GASK1A: variants seen among roughly 807,000 people sequenced by gnomAD.
GASK1A encodes golgi associated kinase 1A.
A neutral mutation model predicts 41.2 loss-of-function variants in GASK1A; 40 were observed. The ratio of observed to expected loss-of-function variants is 0.97; its 90% confidence interval spans 0.75 to 1.27. The LOEUF (loss-of-function observed/expected upper bound fraction) is 1.27, where lower values mean the gene tolerates loss of function less well. Among genes scored for constraint, GASK1A ranks in the 50% most tolerant of loss-of-function variants. The probability of loss-of-function intolerance (pLI) is 0.00; values close to 1 mark genes in which losing one functional copy is unlikely to be tolerated. For synonymous variants in GASK1A, 316 were observed against 307.1 expected, an observed-to-expected ratio of 1.03 and a Z score of -0.30; for missense variants, 678 against 745.1, an observed-to-expected ratio of 0.91 and a Z score of 1.05.
Position 43,033,116 on chromosome 3 carries a change from G to C in GASK1A, c.853G>C (p.Ala285Pro). Residue 285 changes from alanine (A) to proline (P), a missense_variant, in exon 2 of 5, where the codon GCC (alanine) becomes CCC (proline). Physicochemically the swap from Ala to Pro is conservative, Grantham distance 27. Transcript: ENST00000430121. Reference sequence around the variant, plus strand: ...GGTGGTGGACAAAGCCAGGGTCCCCGCCCATGGGCAGGTGCTACAGGTTGG... The same window carrying C: ...GGTGGTGGACAAAGCCAGGGTCCCCCCCCATGGGCAGGTGCTACAGGTTGG... Reference protein sequence around the residue: ...GEVVDKARVPAHGQVLQVGFS... With the variant: ...GEVVDKARVPPHGQVLQVGFS... 6.4e-7 allele frequency: 1 copy of C among 1,551,110 alleles called. No homozygotes were observed. Among genetic ancestry groups the C allele is most frequent in the Non-Finnish European group, 8.7e-7 (1 of 1,146,576 alleles).
At chr3:43,012,225 A>G (rs1310244389) in intron 1 of GASK1A, among the ~76,000 whole-genome samples, 1 of 149,408 alleles carries the variant, frequency 6.7e-6, no homozygotes, top group Non-Finnish European at 1.5e-5. Flanking sequence ...GGCTGTTTGA[A>G]GCCACTGGAA....
intron 1 of GASK1A, among the ~76,000 whole-genome samples, chr3:43,028,739 G>T (rs982411743): frequency 1.3e-5 from 2 of 152,194 alleles, no homozygotes; most frequent in African/African-American, 4.8e-5. Context: ...TTGTCTAGAG[G>T]ACCACACAAC....
chr3:43,050,097 GT>G (rs1450766985), intron 2 of GASK1A, among the ~76,000 whole-genome samples: 1 of 150,828 alleles, frequency 6.6e-6, no homozygotes, highest in African/African-American at 2.4e-5. Flanking sequence ...GTTTATCTAT[GT>G]AGTTACCTTG....
chr3:42,994,688 C>T (rs1354039708), intron 1 of GASK1A, among the ~76,000 whole-genome samples: 3 of 152,154 alleles, frequency 2.0e-5, no homozygotes, highest in Non-Finnish European at 4.4e-5. Flanking sequence ...AGGCACTTCT[C>T]TTGTCTTTGA....
chr3:42,998,103 G>C (rs2089386420), intron 1 of GASK1A, among the ~76,000 whole-genome samples: 1 of 152,160 alleles, frequency 6.6e-6, no homozygotes, highest in Admixed American at 6.5e-5. Context: ...AAGTCCTTTA[G>C]GTGGTCTGGG....
chr3:43,019,340 C>T (rs2089509844), intron 1 of GASK1A, among the ~76,000 whole-genome samples: 1 of 152,136 alleles, frequency 6.6e-6, no homozygotes, highest in Non-Finnish European at 1.5e-5. Flanking sequence ...GCAAACAGCC[C>T]AGCCTCTCAG....
intron 2 of GASK1A, among the ~76,000 whole-genome samples, chr3:43,045,687 G>A (rs1176126324): frequency 6.6e-6 from 1 of 152,106 alleles, no homozygotes; most frequent in African/African-American, 2.4e-5. Flanking sequence ...TGGTGATATG[G>A]TTTGACTGTG....
chr3:43,033,541 C>T lies in GASK1A; in HGVS notation c.1278C>T (p.Asp426=). Reference sequence around the variant, plus strand: ...AGTGGGCACGCCTGGCGCTCTTCGACTTCCTGTTGCAGGTAGGTGGGGTTG... The same window carrying T: ...AGTGGGCACGCCTGGCGCTCTTCGATTTCCTGTTGCAGGTAGGTGGGGTTG... ...HTEWARLALF[D]FLLQVHDRLD... Residue 426 remains aspartate (D), a synonymous_variant, in exon 2 of 5, where the codon GAC becomes GAT. Coordinates refer to ENST00000430121, the MANE Select transcript of GASK1A (RefSeq NM_001129908.3). 1 of 1,530,494 alleles carries T rather than the reference C, an allele frequency of 6.5e-7. No homozygotes were observed. Among genetic ancestry groups the T allele is most frequent in the Non-Finnish European group, 8.8e-7 (1 of 1,133,438 alleles). 94.8% of individuals were successfully genotyped at this position (1,530,494 alleles called of 1,614,324 possible).
chr3:43,041,420 A>G (rs1042238192), intron 2 of GASK1A, among the ~76,000 whole-genome samples: 12 of 152,176 alleles, frequency 7.9e-5, no homozygotes, highest in African/African-American at 2.9e-4. Flanking sequence ...TGCCATTCTA[A>G]CTGGTGTGAG....
intron 1 of GASK1A, among the ~76,000 whole-genome samples, chr3:43,021,530 C>T (rs1295726002): frequency 1.3e-5 from 2 of 152,070 alleles, no homozygotes; most frequent in Non-Finnish European, 2.9e-5. Context: ...ATTTTCAGAC[C>T]CCTGAAAGGT....
At chr3:42,988,188 C>A (rs2089322322) in intron 1 of GASK1A, among the ~76,000 whole-genome samples, 1 of 152,108 alleles carries the variant, frequency 6.6e-6, no homozygotes. Context: ...TGGGTAGGGG[C>A]TGTGGCTGCT....
At chr3:43,046,964 A>G (rs1575451852) in intron 2 of GASK1A, among the ~76,000 whole-genome samples, 1 of 152,354 alleles carries the variant, frequency 6.6e-6, no homozygotes, top group East Asian at 1.9e-4. Context: ...CTTCACCTGT[A>G]TTTCAGAGGA....
intron 2 of GASK1A, among the ~76,000 whole-genome samples, chr3:43,044,308 C>T (rs577641274): frequency 4.4e-4 from 67 of 152,286 alleles, no homozygotes; most frequent in South Asian, 2.3e-3. Flanking sequence ...TAGGCTTGTG[C>T]GTGGAAGAGA....
chr3:43,006,913 A>C (rs1010457165), intron 1 of GASK1A, among the ~76,000 whole-genome samples: 2 of 151,998 alleles, frequency 1.3e-5, no homozygotes, highest in Non-Finnish European at 2.9e-5. Context: ...CACTGTCTTC[A>C]GTCTCCCAAT....
Position 42,984,474 on chromosome 3 carries a change from A to G in GASK1A, c.3+4829A>G, listed in dbSNP as rs533541306. Among the ~76,000 whole-genome samples, 1 of 152,212 alleles carries G rather than the reference A, an allele frequency of 6.6e-6. No homozygotes were observed. Among genetic ancestry groups the G allele is most frequent in the Admixed American group, 6.5e-5 (1 of 15,290 alleles). ...CCAGAGTCCAGCCTGTGGCTCCAGAACTGCCAGCTGAGTGGAAGATGGAAG... is the reference window on the plus strand; with the variant it reads ...CCAGAGTCCAGCCTGTGGCTCCAGAGCTGCCAGCTGAGTGGAAGATGGAAG... On this transcript the variant is annotated intron_variant, in intron 1 of 4. Coordinates refer to ENST00000430121, the MANE Select transcript of GASK1A (RefSeq NM_001129908.3). The surrounding 1 kb of genome is among the most constrained non-coding windows in gnomAD (Gnocchi z 4.2).
At chr3:43,036,388 A>G (rs2089604470) in intron 2 of GASK1A, among the ~76,000 whole-genome samples, 1 of 152,188 alleles carries the variant, frequency 6.6e-6, no homozygotes, top group Admixed American at 6.5e-5. Flanking sequence ...TACAAACTGC[A>G]TACAGCCCAC....
At chr3:43,046,048 A>G (rs946084807) in intron 2 of GASK1A, among the ~76,000 whole-genome samples, 1 of 152,192 alleles carries the variant, frequency 6.6e-6, no homozygotes, top group African/African-American at 2.4e-5. Context: ...AAAATGGACT[A>G]ATACAGTAAA....
chr3:42,980,729 G>GA, intron 1 of GASK1A, among the ~76,000 whole-genome samples: 1 of 152,192 alleles, frequency 6.6e-6, no homozygotes, highest in East Asian at 1.9e-4. Context: ...TTGAGGCTAG[G>GA]GGTGTGTGTA....
intron 1 of GASK1A, among the ~76,000 whole-genome samples, chr3:42,997,507 T>A (rs1002647905): frequency 6.6e-6 from 1 of 152,022 alleles, no homozygotes; most frequent in Non-Finnish European, 1.5e-5. Context: ...CACATGCCCA[T>A]TCTTTTTCAA....
Sources: allele counts gnomAD v4.1 joint callset (sites outside exome capture counted in the v4.1 genomes callset), GRCh38; gene constraint gnomAD v4.1.1; non-coding constraint Gnocchi (gnomAD v3.1); transcripts MANE v1.5; gene names NCBI Gene and HGNC (gene_info 2026-07-23, HGNC 2026-07-21).